COL9A2: variants seen among roughly 807,000 people sequenced by gnomAD.
COL9A2 encodes collagen type IX alpha 2 chain.
A neutral mutation model predicts 111.6 loss-of-function variants in COL9A2; 66 were observed. The observed-to-expected ratio is 0.59, with a 90% CI of 0.48 to 0.73. The LOEUF (loss-of-function observed/expected upper bound fraction) is 0.73. Among genes scored for constraint, COL9A2 ranks in the 30% least tolerant of loss-of-function variants. The pLI is 0.00. For synonymous variants in COL9A2, 353 were observed against 364.1 expected, an observed-to-expected ratio of 0.97 and a Z score of 0.35; for missense variants, 881 against 954.1, an observed-to-expected ratio of 0.92 and a Z score of 1.01.
chr1:40,304,884 T>G (rs1485102889), intron 21 of COL9A2, 37 bp from the exon 22 acceptor site: 1 of 1,538,578 alleles, frequency 6.5e-7, no homozygotes, highest in Non-Finnish European at 8.8e-7. Context: ...GCGTTTGACC[T>G]GGTGGAACCC....
In COL9A2 at chr1:40,303,383, T is replaced by G; in HGVS notation, c.1548+147A>C. Reference sequence around the variant, plus strand: ...CGCGGGGTAATCCCTCAGGCTGCACTCACAGCCTTCCTGTCTGCTCTGGGG... The same window carrying G: ...CGCGGGGTAATCCCTCAGGCTGCACGCACAGCCTTCCTGTCTGCTCTGGGG... On this transcript the variant is annotated intron_variant, in intron 28 of 31. Transcript: ENST00000372748. The surrounding 1 kb of genome is among the most constrained non-coding windows in gnomAD (Gnocchi z 4.6). 1 of 1,260,384 alleles carries G rather than the reference T, an allele frequency of 7.9e-7. No homozygotes were observed. The highest frequency in any genetic ancestry group is 2.5e-5 in the East Asian group (1 of 39,626). The allele number at this position is 1,260,384 out of a possible 1,614,324, so 78.1% of individuals were successfully genotyped here. A position where few individuals can be genotyped will look rare whatever the true frequency, so the allele number is the denominator to read the frequency against.
rs1252078713 is a variant in COL9A2 at position 40,303,446 on chromosome 1, G to C, written c.1548+84C>G. 3.4e-5 allele frequency: 54 copies of C among 1,567,796 alleles called. No homozygotes were observed. The highest frequency in any genetic ancestry group is 4.6e-5 in the Non-Finnish European group (53 of 1,150,528). On this transcript the variant is annotated intron_variant, in intron 28 of 31. Coordinates refer to ENST00000372748, the MANE Select transcript of COL9A2 (RefSeq NM_001852.4). The surrounding 1 kb of genome is among the most constrained non-coding windows in gnomAD (Gnocchi z 4.6). ...CTCGGGGAAGTCGGTGAGTCTCTGG[G>C]AATCCCTAGCCTTTGGCGGGTAAGC...
rs1057520157 is a variant in COL9A2, at chr1:40,304,841, G to A, written c.1114C>T (p.Pro372Ser). Residue 372 changes from proline (P) to serine (S), a missense_variant, in exon 22 of 32, where the codon CCA becomes TCA. Coordinates refer to ENST00000372748, the MANE Select transcript of COL9A2 (RefSeq NM_001852.4). ...FSGPPGKEGE[P>S]GPRGEIGPQG... ...GGACCAATTTCTCCTCGAGGCCCTG[G>A]CTCTCCCTGGAGGAAGGAGAAATTG... 3.2e-6 allele frequency: 5 copies of A among 1,550,328 alleles called. No homozygotes were observed. The highest frequency in any genetic ancestry group is 2.4e-5 in the South Asian group (2 of 84,040).
At chr1:40,306,087 C>A in intron 20 of COL9A2, 56 bp downstream of exon 20, 1 of 1,603,934 alleles carries the variant, frequency 6.2e-7, no homozygotes, top group African/African-American at 1.3e-5. Context: ...GCCTTGCTGT[C>A]TTCCTGGCCC....
intron 16 of COL9A2, among the ~76,000 whole-genome samples, chr1:40,309,235 C>T (rs2124078608): frequency 6.6e-6 from 1 of 152,006 alleles, no homozygotes; most frequent in South Asian, 2.1e-4. Flanking sequence ...AATAAAACTC[C>T]ATCTCAAAAA....
In COL9A2 at chr1:40,311,543, C is replaced by G; in HGVS notation, c.476G>C (p.Arg159Pro). The G allele has an allele frequency of 6.2e-7, 1 of 1,613,620 alleles. No individual in the cohort carries two copies. Among genetic ancestry groups the G allele is most frequent in the Non-Finnish European group, 8.5e-7 (1 of 1,179,902 alleles). The stretch of plus-strand genomic sequence containing the variant: ...TTCCAGACCCTGGATGGTTCCCGGG[C>G]GACCCTGAGAGGAGACATGAAGATG... ...GPPGPPGKPG[R>P]PGTIQGLEGS... Residue 159 changes from arginine (R) to proline (P), a missense_variant, in exon 10 of 32, where the codon CGC becomes CCC. Arg to Pro is a moderately radical substitution (Grantham distance 103). Coordinates refer to ENST00000372748, the MANE Select transcript of COL9A2 (RefSeq NM_001852.4). The surrounding 1 kb of genome is among the most constrained non-coding windows in gnomAD (Gnocchi z 5.1).
chr1:40,316,771 CG>C lies in COL9A2; in HGVS notation c.75+351del. 1 of 373,994 alleles carries C rather than the reference CG, an allele frequency of 2.7e-6. No homozygotes were observed. Among genetic ancestry groups the C allele is most frequent in the South Asian group, 2.2e-5 (1 of 45,448 alleles). The allele number at this position is 373,994 out of a possible 1,614,324, so 23.2% of individuals were successfully genotyped here. A position where few individuals can be genotyped will look rare whatever the true frequency, so the allele number is the denominator to read the frequency against. On this transcript the variant is annotated intron_variant, in intron 1 of 31. Coordinates refer to ENST00000372748, the MANE Select transcript of COL9A2 (RefSeq NM_001852.4). The surrounding 1 kb of genome is among the most constrained non-coding windows in gnomAD (Gnocchi z 5.5). ...GGAGCCGGCGCCCCCTGGGAGGCGG[CG>C]GGGGCGGAGGCTGCGCAGCGGGTGA...
intron 16 of COL9A2, 106 bp downstream of exon 16, chr1:40,309,832 C>T: frequency 9.3e-7 from 1 of 1,077,600 alleles, no homozygotes; most frequent in South Asian, 1.3e-5. Flanking sequence ...CATTCACACT[C>T]ACGCACACAC....
chr1:40,315,273 AG>A, intron 2 of COL9A2: 1 of 1,177,268 alleles, frequency 8.5e-7, no homozygotes, highest in East Asian at 4.9e-5. Flanking sequence ...AGGCAGGGTG[AG>A]GGGTTGAGTC....
Position 40,307,620 on chromosome 1 carries a change from G to C in COL9A2, c.954+83C>G, listed in dbSNP as rs1178586763. On this transcript the variant is annotated intron_variant, in intron 18 of 31. Transcript: ENST00000372748. The surrounding 1 kb of genome is among the most constrained non-coding windows in gnomAD (Gnocchi z 4.8). ...GCAAGAAAGGGCATGTCCATGACCTGAGGACCCCAGGCTCTTGGTGTCTAG... is the reference window on the plus strand; with the variant it reads ...GCAAGAAAGGGCATGTCCATGACCTCAGGACCCCAGGCTCTTGGTGTCTAG... The C allele has an allele frequency of 1.3e-6, 2 of 1,587,412 alleles. No homozygotes were observed. Among genetic ancestry groups the C allele is most frequent in the Admixed American group, 1.7e-5 (1 of 58,404 alleles).
rs909032612 is a variant in COL9A2, at chr1:40,314,885, A to G, written c.151-498T>C. Among the ~76,000 whole-genome samples the G allele has an allele frequency of 3.3e-5, 5 of 152,146 alleles. No individual in the cohort carries two copies. The South Asian group carries it at 8.3e-4, about 25-fold the overall frequency. On this transcript the variant is annotated intron_variant, in intron 2 of 31. Coordinates refer to ENST00000372748, the MANE Select transcript of COL9A2 (RefSeq NM_001852.4). This position sits in a 1 kb window ranked among gnomAD's most constrained non-coding sequence, Gnocchi z 4.1. ...GGAAATTCAGTGTTCCCAAGGAGGG[A>G]AGGACCTCCTTCCAGTGCCAAAGGA...
At chr1:40,315,435 A>C in intron 2 of COL9A2, 155 bp downstream of exon 2, 1 of 1,442,804 alleles carries the variant, frequency 6.9e-7, no homozygotes, top group Non-Finnish European at 9.1e-7. Context: ...TGCAGAACAA[A>C]CGGCGTCCTT....
Position 40,315,360 on chromosome 1 carries a change from A to ACAG in COL9A2, c.150+227_150+229dup, listed in dbSNP as rs998114443. 4.4e-6 allele frequency: 6 copies of ACAG among 1,371,736 alleles called. No homozygotes were observed. In the Admixed American group the frequency reaches 1.3e-4, roughly 30 times the overall value. 85.0% of individuals were successfully genotyped at this position (1,371,736 alleles called of 1,614,324 possible). Reference sequence around the variant, plus strand: ...CTGTGAGCTGCGGCCGGCGGACTGAACAGCAGCTCCTTGTCTGTCGGCGGC... The same window carrying ACAG: ...CTGTGAGCTGCGGCCGGCGGACTGAACAGCAGCAGCTCCTTGTCTGTCGGCGGC... On this transcript the variant is annotated intron_variant, in intron 2 of 31. Coordinates refer to ENST00000372748, the MANE Select transcript of COL9A2 (RefSeq NM_001852.4).
rs1171807467 is a variant in COL9A2 at position 40,304,302 on chromosome 1, C to T, written c.1287+18G>A. The stretch of plus-strand genomic sequence containing the variant: ...TATAGGGCCCCTTTCCCAGGTGTTT[C>T]CCAGCCCCATCTGGCACCTTGTCTC... On this transcript the variant is annotated intron_variant, in intron 24 of 31. Coordinates refer to ENST00000372748, the MANE Select transcript of COL9A2 (RefSeq NM_001852.4). 1 of 1,553,484 alleles carries T rather than the reference C, an allele frequency of 6.4e-7. No individual in the cohort carries two copies. The highest frequency in any genetic ancestry group is 8.7e-7 in the Non-Finnish European group (1 of 1,147,860).
chr1:40,315,854 A>C (rs1490964155), intron 1 of COL9A2, 190 bp from the exon 2 acceptor site: 1 of 483,566 alleles, frequency 2.1e-6, no homozygotes, highest in Non-Finnish European at 3.7e-6. Flanking sequence ...CAGAATACTC[A>C]GAACCGGGAG....
Position 40,303,628 on chromosome 1 carries a change from C to T in COL9A2, c.1450G>A (p.Gly484Ser). 6.3e-7 allele frequency: 1 copy of T among 1,594,436 alleles called. No homozygotes were observed. Among genetic ancestry groups the T allele is most frequent in the Non-Finnish European group, 8.5e-7 (1 of 1,171,452 alleles). Residue 484 changes from glycine (G) to serine (S), a missense_variant, in exon 28 of 32, where the codon GGC (glycine) becomes AGC (serine). Physicochemically the swap from Gly to Ser is moderately conservative, Grantham distance 56. Coordinates refer to ENST00000372748, the MANE Select transcript of COL9A2 (RefSeq NM_001852.4). This position sits in a 1 kb window ranked among gnomAD's most constrained non-coding sequence, Gnocchi z 4.6. Reference protein sequence around the residue: ...PGYPGPSGDAGAPGVQGYPGP... With the variant: ...PGYPGPSGDASAPGVQGYPGP... ...GGGTAGCCCTGAACCCCTGGGGCGC[C>T]CGCATCCCCGCTGGGGCCAGGGTAG...
intron 1 of COL9A2, 79 bp from the exon 2 acceptor site, chr1:40,315,743 G>A (rs1340458279): frequency 2.6e-5 from 27 of 1,029,926 alleles, no homozygotes; most frequent in Non-Finnish European, 3.3e-5. Flanking sequence ...AGCGACCCTG[G>A]GAGCGGGGTC....
rs540720435 is a variant in COL9A2 at position 40,307,110 on chromosome 1, G to T, written c.1008+336C>A. Among the ~76,000 whole-genome samples, 2 of 152,320 alleles carry T rather than the reference G, an allele frequency of 1.3e-5. No homozygotes were observed. The highest frequency in any genetic ancestry group is 1.3e-4 in the Admixed American group (2 of 15,306). On this transcript the variant is annotated intron_variant, in intron 19 of 31. Transcript: ENST00000372748. The surrounding 1 kb of genome is among the most constrained non-coding windows in gnomAD (Gnocchi z 4.8). ...TCCACTCAGCTGAGCCTCCTGAAGT[G>T]CTGGGATTATAGGCATGAGCCACTG...
chr1:40,304,709 C>G (rs371902629), intron 22 of COL9A2, 85 bp downstream of exon 22: 17 of 1,431,142 alleles, frequency 1.2e-5, no homozygotes, highest in Non-Finnish European at 1.6e-5. Flanking sequence ...AGGCATCTCA[C>G]GGGCTGCACG....
Sources: gnomAD v4.1 joint callset for allele counts (sites outside exome capture counted in the v4.1 genomes callset) on GRCh38, gnomAD v4.1.1 for gene constraint, Gnocchi (gnomAD v3.1) non-coding constraint, MANE v1.5 for transcripts, NCBI Gene and HGNC (gene_info 2026-07-23, HGNC 2026-07-21) for gene names.